Variants in STPG2 observed in about 807,000 individuals in gnomAD.
STPG2 encodes the protein sperm-tail PG-rich repeat-containing protein 2.
STPG2 carries 56 observed loss-of-function variants against 54.2 expected under a neutral mutation model. The ratio of observed to expected loss-of-function variants is 1.03; its 90% CI spans 0.83 to 1.29. The LOEUF is 1.29. Among genes scored for constraint, STPG2 ranks in the 50% most tolerant of loss-of-function variants. The pLI is 0.00. For synonymous variants in STPG2, 200 were observed against 181.8 expected (o/e 1.10, Z -0.81); for missense variants, 596 against 544.9 (o/e 1.09, Z -0.93).
intron 9 of STPG2, among the ~76,000 whole-genome samples, chr4:97,739,807 C>A (rs186183342): frequency 3.7e-3 from 492 of 133,748 alleles, no homozygotes; most frequent in Non-Finnish European, 6.0e-3. Context: ...TGGTATCATT[C>A]CTTCTGAAAC....
At chr4:98,123,536 C>T (rs372271333) in intron 3 of STPG2, among the ~76,000 whole-genome samples, 4 of 152,032 alleles carry the variant, frequency 2.6e-5, no homozygotes, top group Non-Finnish European at 4.4e-5. Flanking sequence ...ATTTTGATTA[C>T]GCTGTTGTCT....
At chr4:97,869,736 C>T (rs1238807057) in intron 8 of STPG2, among the ~76,000 whole-genome samples, 1 of 151,602 alleles carries the variant, frequency 6.6e-6, no homozygotes, top group Non-Finnish European at 1.5e-5. Context: ...AGAAGTATTG[C>T]CCTGCCCTCC....
intron 10 of STPG2, among the ~76,000 whole-genome samples, chr4:97,569,876 A>C (rs1055759398): frequency 7.9e-5 from 12 of 152,116 alleles, no homozygotes; most frequent in African/African-American, 2.7e-4. Context: ...AAAATGAGCA[A>C]AATTTTAACC....
intron 9 of STPG2, among the ~76,000 whole-genome samples, chr4:97,730,873 C>A (rs1404456725): frequency 1.3e-5 from 2 of 152,298 alleles, no homozygotes; most frequent in Admixed American, 1.3e-4. Context: ...CAGTTTGCTT[C>A]TTTCTTAAAA....
intron 9 of STPG2, among the ~76,000 whole-genome samples, chr4:97,755,303 T>C (rs1410648828): frequency 2.6e-5 from 4 of 152,194 alleles, no homozygotes; most frequent in South Asian, 2.1e-4. Context: ...GAGTCTAACA[T>C]GTAAAACTCT....
intron 10 of STPG2, among the ~76,000 whole-genome samples, chr4:97,658,366 A>G (rs1722276820): frequency 6.6e-6 from 1 of 152,232 alleles, no homozygotes; most frequent in African/African-American, 2.4e-5. Context: ...AAAACATTTT[A>G]AAGATAAAGC....
chr4:98,018,173 C>T (rs1736032297), intron 5 of STPG2, among the ~76,000 whole-genome samples: 1 of 152,026 alleles, frequency 6.6e-6, no homozygotes, highest in Non-Finnish European at 1.5e-5. Context: ...CCCCCCATCC[C>T]CACCCCACAA....
At chr4:97,465,652 C>T (rs1729770297) in intron 4 of STPG2, among the ~76,000 whole-genome samples, 2 of 152,016 alleles carry the variant, frequency 1.3e-5, no homozygotes, top group Admixed American at 1.3e-4. Flanking sequence ...TATAAAATGG[C>T]ATCATATGAG....
chr4:97,620,311 GT>G (rs1339707024), intron 10 of STPG2, among the ~76,000 whole-genome samples: 1 of 152,134 alleles, frequency 6.6e-6, no homozygotes. Context: ...ATTTTGGTTG[GT>G]TTTTCAAAGA....
chr4:97,599,410 G>T (rs943388296), intron 10 of STPG2, among the ~76,000 whole-genome samples: 3 of 152,154 alleles, frequency 2.0e-5, no homozygotes, highest in Non-Finnish European at 4.4e-5. Context: ...GTTCCCAAAT[G>T]AATATAAATC....
intron 4 of STPG2, among the ~76,000 whole-genome samples, chr4:97,478,440 G>C (rs1730131369): frequency 6.6e-6 from 1 of 152,056 alleles, no homozygotes; most frequent in South Asian, 2.1e-4. Flanking sequence ...CTTGAAATAT[G>C]AACTGGAAAA....
At chr4:97,557,364 C>A (rs573721369), downstream of STPG2, among the ~76,000 whole-genome samples, 3 of 151,968 alleles carry the variant, frequency 2.0e-5, no homozygotes, top group Non-Finnish European at 4.4e-5. Flanking sequence ...CTTGATATTG[C>A]CATAATGATA....
chr4:97,449,673 T>A (rs1729315930), intron 4 of STPG2, among the ~76,000 whole-genome samples: 2 of 152,128 alleles, frequency 1.3e-5, no homozygotes, highest in Non-Finnish European at 2.9e-5. Flanking sequence ...TGCCATATAA[T>A]AGGATAGATT....
chr4:98,141,466 C>T (rs1008449270), intron 1 of STPG2, among the ~76,000 whole-genome samples: 2 of 152,212 alleles, frequency 1.3e-5, no homozygotes, highest in African/African-American at 4.8e-5. Context: ...AACTTGGTCT[C>T]CACAATCCTG....
At chr4:98,121,603 C>A (rs2110155862) in intron 3 of STPG2, among the ~76,000 whole-genome samples, 1 of 152,316 alleles carries the variant, frequency 6.6e-6, no homozygotes, top group Middle Eastern at 3.4e-3. Context: ...AGGTCCTTCA[C>A]TTCCCTTGTT....
At chr4:97,488,717 C>G (rs764759341) in intron 4 of STPG2, among the ~76,000 whole-genome samples, 1 of 151,580 alleles carries the variant, frequency 6.6e-6, no homozygotes, top group African/African-American at 2.4e-5. Flanking sequence ...ACATAGAGGA[C>G]AAAACAAATA....
At chr4:97,816,053 T>C (rs615961) in intron 9 of STPG2, among the ~76,000 whole-genome samples, 88,461 of 151,708 alleles carry the variant, frequency 0.58, 26,349 homozygotes, top group East Asian at 0.74. Flanking sequence ...CCAACAGGCC[T>C]CAGTGTGTGG....
rs1578793377 is a variant in STPG2 at position 98,025,342 on chromosome 4, C to G, written c.613-44024G>C. ...AATAAAAGGAGTGTATTGGCTGTGG[C>G]CCTTTCCACCCCCTAGTGCTGCTGG... On this transcript the variant is annotated intron_variant, in intron 5 of 10. Coordinates refer to ENST00000295268, the MANE Select transcript of STPG2 (RefSeq NM_174952.3). 2.0e-4 allele frequency: 54 copies of G among 263,924 alleles called. No homozygotes were observed. The South Asian group carries it at 2.3e-3, about 11-fold the overall frequency. The allele number at this position is 263,924 out of a possible 1,614,324, so 16.3% of individuals were successfully genotyped here.
intron 4 of STPG2, among the ~76,000 whole-genome samples, chr4:97,471,723 A>G (rs1246879921): frequency 6.6e-6 from 1 of 152,160 alleles, no homozygotes; most frequent in Non-Finnish European, 1.5e-5. Context: ...ACAACGTTTT[A>G]ATGTTGGGAA....
Sources: allele counts gnomAD v4.1 joint callset (sites outside exome capture counted in the v4.1 genomes callset), GRCh38; gene constraint gnomAD v4.1.1; transcripts MANE v1.5; gene names NCBI Gene and HGNC (gene_info 2026-07-23, HGNC 2026-07-21).